Variants in PRKCH observed in about 807,000 individuals in gnomAD.
PRKCH encodes the protein protein kinase C eta type.
PRKCH carries 28 observed loss-of-function variants against 82.5 expected under a neutral mutation model. The observed-to-expected ratio is 0.34, with a 90% confidence interval of 0.25 to 0.47. The LOEUF is 0.47. PRKCH is among the 20% of genes least tolerant of loss of function. The pLI, the probability that PRKCH is intolerant of heterozygous loss-of-function variation, is 1.00. For missense variants in PRKCH, 705 were observed against 881.8 expected (o/e 0.80, Z 2.54); for synonymous variants, 322 against 327.4 (o/e 0.98, Z 0.18).
chr14:61,434,973 A>G (rs185192693), intron 2 of PRKCH, among the ~76,000 whole-genome samples: 203 of 152,338 alleles, frequency 1.3e-3, no homozygotes, highest in Non-Finnish European at 2.4e-3. Flanking sequence ...TGCCCCACCC[A>G]TATTTCCTTT....
intron 12 of PRKCH, 122 bp from the exon 13 acceptor site, chr14:61,547,621 A>T: frequency 8.0e-7 from 1 of 1,254,770 alleles, no homozygotes; most frequent in Non-Finnish European, 1.1e-6. Context: ...AAACCCAGCT[A>T]GTTAAGCAAG....
intron 1 of PRKCH, among the ~76,000 whole-genome samples, chr14:61,338,093 A>G (rs1341352865): frequency 2.6e-5 from 4 of 152,068 alleles, no homozygotes; most frequent in Non-Finnish European, 4.4e-5. Context: ...AGTGAATGAG[A>G]ATGTGTTTGT....
At chr14:61,214,066 C>T (rs1017808019) in intron 1 of PRKCH, among the ~76,000 whole-genome samples, 5 of 152,078 alleles carry the variant, frequency 3.3e-5, no homozygotes, top group South Asian at 2.1e-4. Flanking sequence ...TGATGGTTGG[C>T]GTAGGTGCTG....
chr14:61,219,757 A>T (rs1296568100), intron 1 of PRKCH, among the ~76,000 whole-genome samples: 1 of 152,210 alleles, frequency 6.6e-6, no homozygotes, highest in African/African-American at 2.4e-5. Flanking sequence ...CATTGTGTCA[A>T]GTTTTTCAGC....
At chr14:61,267,763 G>C (rs1013414820) in intron 1 of PRKCH, among the ~76,000 whole-genome samples, 1 of 152,082 alleles carries the variant, frequency 6.6e-6, no homozygotes, top group Non-Finnish European at 1.5e-5. Flanking sequence ...TTTTTCCACT[G>C]TCTTGTTGTT....
intron 1 of PRKCH, among the ~76,000 whole-genome samples, chr14:61,350,692 G>T (rs1306320483): frequency 2.6e-5 from 4 of 152,030 alleles, no homozygotes; most frequent in African/African-American, 2.4e-5. Flanking sequence ...GCTTTACAAC[G>T]CTTTACCCAG....
At chr14:61,486,908 C>T (rs948079198) in intron 10 of PRKCH, among the ~76,000 whole-genome samples, 1 of 152,146 alleles carries the variant, frequency 6.6e-6, no homozygotes, top group Non-Finnish European at 1.5e-5. Context: ...TAAAGGATTT[C>T]CTGATTGAAA....
At chr14:61,268,426 G>T (rs1448061574) in intron 1 of PRKCH, among the ~76,000 whole-genome samples, 1 of 152,072 alleles carries the variant, frequency 6.6e-6, no homozygotes, top group African/African-American at 2.4e-5. Context: ...AGCACTTTGG[G>T]GGGCTGAGGC....
At chr14:61,246,455 T>G (rs2044884222) in intron 1 of PRKCH, among the ~76,000 whole-genome samples, 1 of 152,034 alleles carries the variant, frequency 6.6e-6, no homozygotes. Context: ...TTAATCATCA[T>G]GAATCCATGC....
intron 1 of PRKCH, among the ~76,000 whole-genome samples, chr14:61,260,639 G>C (rs2045037438): frequency 6.6e-6 from 1 of 152,080 alleles, no homozygotes; most frequent in Non-Finnish European, 1.5e-5. Context: ...TAATCTGTAA[G>C]AACAAAAGGA....
chr14:61,257,633 C>CCA (rs1218789186), intron 1 of PRKCH, among the ~76,000 whole-genome samples: 14 of 62,760 alleles, frequency 2.2e-4, no homozygotes, highest in Admixed American at 8.5e-4. Flanking sequence ...ACACACACCC[C>CCA]CACACACACA....
rs551403804 is a variant in PRKCH, at chr14:61,438,236, A to C, written c.428-4875A>C. Among the ~76,000 whole-genome samples the C allele has an allele frequency of 2.4e-4, 37 of 152,306 alleles. 1 individual carries two copies. The South Asian group carries it at 6.9e-3, about 28-fold the overall frequency. Reference sequence around the variant, plus strand: ...CCACCAAACTCTCTTGTCTGTCGTCATATAGAAGGCTGTTCTGTTTTCTCA... The same window carrying C: ...CCACCAAACTCTCTTGTCTGTCGTCCTATAGAAGGCTGTTCTGTTTTCTCA... On this transcript the variant is annotated intron_variant, in intron 2 of 13. Transcript: ENST00000332981.
intron 1 of PRKCH, among the ~76,000 whole-genome samples, chr14:61,208,843 G>A (rs1031903518): frequency 6.6e-6 from 1 of 152,134 alleles, no homozygotes; most frequent in Admixed American, 6.5e-5. Context: ...ACTTGTTGAA[G>A]ACCTAACCCC....
chr14:61,387,770 A>G (rs1306693184), intron 1 of PRKCH, among the ~76,000 whole-genome samples: 2 of 152,228 alleles, frequency 1.3e-5, no homozygotes, highest in Non-Finnish European at 2.9e-5. Flanking sequence ...ACAAAACTAC[A>G]CACAAAAGTT....
rs542333912 is a variant in PRKCH at position 61,288,313 on chromosome 14, T to C, written c.-19+100645T>C. Among the ~76,000 whole-genome samples the C allele has an allele frequency of 2.6e-5, 4 of 152,332 alleles. No homozygotes were observed. In the East Asian group the frequency reaches 5.8e-4, roughly 22 times the overall value. On this transcript the variant is annotated intron_variant, in intron 1 of 3. Transcript: ENST00000555185. ...TCTAGCTCTGTTGCCCAGGCTGGTC[T>C]TGAACTCCTGAACTCAAGCGATCCT...
At chr14:61,331,996 A>G (rs1353093712) in intron 1 of PRKCH, among the ~76,000 whole-genome samples, 2 of 152,188 alleles carry the variant, frequency 1.3e-5, no homozygotes, top group African/African-American at 4.8e-5. Flanking sequence ...ATGCAGTTGT[A>G]TTTCTTGATT....
At chr14:61,405,680 A>G (rs1043740323) in intron 2 of PRKCH, among the ~76,000 whole-genome samples, 1 of 152,154 alleles carries the variant, frequency 6.6e-6, no homozygotes, top group Non-Finnish European at 1.5e-5. Context: ...GCCTGGCCAA[A>G]TCTTCTATTC....
At chr14:61,348,858 T>C (rs1383207852) in intron 1 of PRKCH, among the ~76,000 whole-genome samples, 1 of 152,366 alleles carries the variant, frequency 6.6e-6, no homozygotes, top group Middle Eastern at 3.4e-3. Context: ...GTAAGCACCA[T>C]GAGGGCAAGA....
intron 2 of PRKCH, among the ~76,000 whole-genome samples, chr14:61,440,195 C>T (rs552473624): frequency 1.3e-5 from 2 of 152,258 alleles, no homozygotes; most frequent in South Asian, 4.2e-4. Context: ...AAAATCTGTT[C>T]ACTTCGTGGT....
Sources: gnomAD v4.1 joint callset for allele counts (sites outside exome capture counted in the v4.1 genomes callset) on GRCh38, gnomAD v4.1.1 for gene constraint, MANE v1.5 for transcripts, NCBI Gene and HGNC (gene_info 2026-07-23, HGNC 2026-07-21) for gene names.